The following ANK1 variants were observed in gnomAD, a reference collection of about 807,000 sequenced individuals.
ANK1 encodes ankyrin 1, also known as ankyrin-1.
In ANK1, 51 loss-of-function variants were observed where a neutral mutation model predicts 210.4. The ratio of observed to expected loss-of-function variants is 0.24; its 90% CI spans 0.19 to 0.31. The LOEUF (loss-of-function observed/expected upper bound fraction) is 0.31, where lower values mean the gene tolerates loss of function less well. ANK1 is among the 10% of genes least tolerant of loss of function. The pLI is 1.00. For missense variants in ANK1, 2,051 were observed against 2,504.4 expected, an observed-to-expected ratio of 0.82 and a Z score of 3.86; for synonymous variants, 967 against 1,025.9, an observed-to-expected ratio of 0.94 and a Z score of 1.10.
chr8:41,777,536 C>T (rs1844326837), intron 1 of ANK1, among the ~76,000 whole-genome samples: 1 of 152,134 alleles, frequency 6.6e-6, no homozygotes, highest in Non-Finnish European at 1.5e-5. Flanking sequence ...GATCACGGCA[C>T]TGCACTCCAG....
At chr8:41,814,498 G>A (rs1266195748) in intron 1 of ANK1, among the ~76,000 whole-genome samples, 1 of 152,058 alleles carries the variant, frequency 6.6e-6, no homozygotes, top group Admixed American at 6.5e-5. Context: ...GCAGTCTGGT[G>A]GTATGATCAT....
chr8:41,671,558 C>T (rs1467324484), intron 38 of ANK1, among the ~76,000 whole-genome samples: 2 of 151,944 alleles, frequency 1.3e-5, no homozygotes, highest in African/African-American at 4.8e-5. Flanking sequence ...AGTGAGCACT[C>T]CAGGTACCCT....
chr8:41,816,201 T>C (rs1803298645), intron 1 of ANK1, among the ~76,000 whole-genome samples: 1 of 152,220 alleles, frequency 6.6e-6, no homozygotes, highest in Non-Finnish European at 1.5e-5. Flanking sequence ...TCATAGCACC[T>C]GCATGTTATG....
At chr8:41,682,671 G>A (rs1173204810) in intron 37 of ANK1, among the ~76,000 whole-genome samples, 1 of 152,226 alleles carries the variant, frequency 6.6e-6, no homozygotes, top group Non-Finnish European at 1.5e-5. Flanking sequence ...CTAGGGGTCT[G>A]TGGCCCGGGG....
intron 1 of ANK1, among the ~76,000 whole-genome samples, chr8:41,868,836 C>T (rs569116463): frequency 4.3e-4 from 65 of 152,172 alleles, no homozygotes; most frequent in African/African-American, 1.3e-3. Context: ...AACAGACACT[C>T]GAACTTTCGG....
intron 1 of ANK1, among the ~76,000 whole-genome samples, chr8:41,783,309 G>A (rs1484308882): frequency 6.6e-6 from 1 of 152,140 alleles, no homozygotes; most frequent in Non-Finnish European, 1.5e-5. Context: ...TCCCTCTTTG[G>A]AGAATTCTAA....
At chr8:41,706,865 G>A (rs1017272219) in intron 17 of ANK1, among the ~76,000 whole-genome samples, 4 of 152,342 alleles carry the variant, frequency 2.6e-5, no homozygotes, top group African/African-American at 7.2e-5. Flanking sequence ...TTGGAAGGCC[G>A]AGGCAGGTGG....
intron 2 of ANK1, among the ~76,000 whole-genome samples, chr8:41,754,113 A>C (rs532227368): frequency 2.0e-5 from 3 of 152,296 alleles, no homozygotes; most frequent in African/African-American, 7.2e-5. Context: ...AATAGCTCTC[A>C]CTGCCAATAG....
At chr8:41,767,759 T>C (rs2150729348) in intron 1 of ANK1, among the ~76,000 whole-genome samples, 1 of 152,144 alleles carries the variant, frequency 6.6e-6, no homozygotes, top group East Asian at 2.0e-4. Context: ...GGCACACACG[T>C]CCAGTGGAGG....
At chr8:41,776,111 G>C (rs1478236060) in intron 1 of ANK1, among the ~76,000 whole-genome samples, 3 of 152,288 alleles carry the variant, frequency 2.0e-5, no homozygotes, top group Admixed American at 6.5e-5. Flanking sequence ...ACACAGTAAA[G>C]GGGCTGGCCC....
chr8:41,788,800 T>C (rs1415420759), intron 1 of ANK1: 1 of 152,136 alleles, frequency 6.6e-6, no homozygotes, highest in East Asian at 1.9e-4. Context: ...ACTTTCCTAC[T>C]CAGAAAGCTT....
intron 3 of ANK1, among the ~76,000 whole-genome samples, chr8:41,731,322 C>G (rs1452562185): frequency 1.3e-5 from 2 of 152,172 alleles, no homozygotes; most frequent in Admixed American, 1.3e-4. Flanking sequence ...GCTCACAGAG[C>G]TCAGAGCAGG....
At chr8:41,802,154 T>A (rs1387680828), upstream of ANK1, among the ~76,000 whole-genome samples, 2 of 152,138 alleles carry the variant, frequency 1.3e-5, no homozygotes, top group African/African-American at 2.4e-5. Context: ...CACGCCTGGC[T>A]AATGTTTGTA....
intron 37 of ANK1, among the ~76,000 whole-genome samples, chr8:41,679,815 C>T (rs888152910): frequency 6.6e-6 from 1 of 151,854 alleles, no homozygotes; most frequent in Non-Finnish European, 1.5e-5. Flanking sequence ...CCGCCCACCT[C>T]GGCCTCCCAA....
chr8:41,725,297 A>G (rs1830393537), intron 6 of ANK1, among the ~76,000 whole-genome samples: 1 of 152,250 alleles, frequency 6.6e-6, no homozygotes, highest in South Asian at 2.1e-4. Context: ...CAGCAGCCTC[A>G]GCCTACAGAC....
At position 41,661,860 on chromosome 8, in the gene ANK1, G is replaced by A. The variant is rs757595632; in HGVS notation, c.5544+16C>T. On this transcript the variant is annotated intron_variant, in intron 41 of 42. Coordinates refer to ENST00000289734, the MANE Select transcript of ANK1 (RefSeq NM_000037.4). The stretch of plus-strand genomic sequence containing the variant: ...TCCAGCTCACTGGGATCCTCCAGGG[G>A]CCCCTCTACAGTCACCTCCTCGTGC... 1.2e-6 allele frequency: 2 copies of A among 1,614,098 alleles called. No individual in the cohort carries two copies. Among genetic ancestry groups the A allele is most frequent in the Non-Finnish European group, 1.7e-6 (2 of 1,179,992 alleles).
intron 3 of ANK1, among the ~76,000 whole-genome samples, chr8:41,730,525 T>C (rs1831929690): frequency 6.6e-6 from 1 of 152,176 alleles, no homozygotes; most frequent in Non-Finnish European, 1.5e-5. Flanking sequence ...TTCCCATCTG[T>C]TGCCTCCTGA....
At chr8:41,684,479 A>G (rs1817088645) in intron 37 of ANK1, 65 bp downstream of exon 37, 1 of 1,600,406 alleles carries the variant, frequency 6.2e-7, no homozygotes, top group African/African-American at 1.3e-5. Context: ...GGAAGGGGTT[A>G]TTGGTGCTGA....
intron 1 of ANK1, among the ~76,000 whole-genome samples, chr8:41,767,096 G>C (rs973958453): frequency 6.6e-6 from 1 of 152,108 alleles, no homozygotes; most frequent in Admixed American, 6.5e-5. Context: ...TCCCAACCCC[G>C]GCTCCAGCCC....
Sources: gnomAD v4.1 joint callset for allele counts (sites outside exome capture counted in the v4.1 genomes callset) on GRCh38, gnomAD v4.1.1 for gene constraint, MANE v1.5 for transcripts, NCBI Gene and HGNC (gene_info 2026-07-23, HGNC 2026-07-21) for gene names.